Variants in PPM1B observed in about 807,000 individuals in gnomAD.
PPM1B encodes the protein protein phosphatase, Mg2+/Mn2+ dependent 1B.
PPM1B carries 22 observed loss-of-function variants against 43.0 expected under a neutral mutation model. The observed-to-expected ratio is 0.51, with a 90% CI of 0.37 to 0.73. The LOEUF (loss-of-function observed/expected upper bound fraction) is 0.73, where lower values mean the gene tolerates loss of function less well. PPM1B is among the 30% of genes least tolerant of loss of function. The pLI is 0.00. For synonymous variants in PPM1B, 217 were observed against 197.9 expected (o/e 1.10, Z -0.81); for missense variants, 632 against 584.2 (o/e 1.08, Z -0.84).
chr2:44,196,229 C>T (rs1026761709), intron 1 of PPM1B, among the ~76,000 whole-genome samples: 3 of 152,178 alleles, frequency 2.0e-5, no homozygotes, highest in African/African-American at 7.2e-5. Flanking sequence ...TCTCCTTAGG[C>T]CCCTGTTGGC....
At chr2:44,198,892 A>C (rs1186905958) in intron 1 of PPM1B, among the ~76,000 whole-genome samples, 1 of 152,198 alleles carries the variant, frequency 6.6e-6, no homozygotes, top group Non-Finnish European at 1.5e-5. Flanking sequence ...TAGTTTAAGC[A>C]GTTTTTTCAC....
At chr2:44,174,423 T>C (rs10205671) in intron 1 of PPM1B, among the ~76,000 whole-genome samples, 139,218 of 152,256 alleles carry the variant, frequency 0.91, 63,742 homozygotes, top group East Asian at 1. Flanking sequence ...AGGATAAGAC[T>C]TGTCTCTAGG....
At chr2:44,209,438 A>T in intron 3 of PPM1B, 111 bp downstream of exon 3, 1 of 1,243,198 alleles carries the variant, frequency 8.0e-7, no homozygotes, top group Non-Finnish European at 1.1e-6. Context: ...TCTCAAAAAA[A>T]AAAAAATTTA....
chr2:44,210,016 T>A (rs1436821644), intron 3 of PPM1B, among the ~76,000 whole-genome samples: 1 of 152,096 alleles, frequency 6.6e-6, no homozygotes, highest in African/African-American at 2.4e-5. Context: ...TTCCTAGTAG[T>A]AAGTGGAGAA....
chr2:44,175,952 A>G (rs1231267631), intron 1 of PPM1B, among the ~76,000 whole-genome samples: 2 of 151,904 alleles, frequency 1.3e-5, no homozygotes, highest in Admixed American at 6.6e-5. Context: ...CACCTGGCTA[A>G]TTTTTGTACT....
At chr2:44,189,442 G>C (rs576762473) in intron 1 of PPM1B, among the ~76,000 whole-genome samples, 4 of 152,150 alleles carry the variant, frequency 2.6e-5, no homozygotes, top group African/African-American at 9.6e-5. Flanking sequence ...AACTTGCTAA[G>C]CTGCTGGTCC....
rs200623563 is a variant in PPM1B at position 44,213,489 on chromosome 2, A to G, written c.964+4162A>G. 1.2e-4 allele frequency among the ~76,000 whole-genome samples: 19 copies of G among 152,064 alleles called. No homozygotes were observed. In the East Asian group the frequency reaches 3.5e-3, roughly 28 times the overall value. The stretch of plus-strand genomic sequence containing the variant: ...ATATAGTAGGCCACAGTAATTGGTG[A>G]GAGTTTTGAAGTGTGAAGATGTGTG... On this transcript the variant is annotated intron_variant, in intron 3 of 5. Transcript: ENST00000282412.
At chr2:44,179,063 G>A (rs142937996) in intron 1 of PPM1B, among the ~76,000 whole-genome samples, 3 of 152,110 alleles carry the variant, frequency 2.0e-5, no homozygotes, top group Non-Finnish European at 4.4e-5. Context: ...TGAATCATGG[G>A]GACAGGTCTT....
At chr2:44,216,990 T>C (rs1027927334) in intron 3 of PPM1B, among the ~76,000 whole-genome samples, 4 of 151,772 alleles carry the variant, frequency 2.6e-5, no homozygotes, top group Non-Finnish European at 4.4e-5. Context: ...TATGTGAAGA[T>C]CTAGAAGTAG....
In PPM1B at chr2:44,218,555, TC is replaced by T. The variant is rs756957535; in HGVS notation, c.1134+19del. ...GTGATGGGGTAAGTTTTATTTTATT[TC>T]ATAAGCATTTGAAGTAATTTCACAA... On this transcript the variant is annotated intron_variant, in intron 5 of 5. Transcript: ENST00000282412. 1 of 1,518,784 alleles carries T rather than the reference TC, an allele frequency of 6.6e-7. No homozygotes were observed. Among genetic ancestry groups the T allele is most frequent in the Admixed American group, 2.0e-5 (1 of 49,042 alleles). 94.1% of individuals were successfully genotyped at this position (1,518,784 alleles called of 1,614,324 possible).
Position 44,218,919 on chromosome 2 carries a change from G to T in PPM1B, c.1134+382G>T, listed in dbSNP as rs867174425. 1.3e-5 allele frequency: 6 copies of T among 460,958 alleles called. No homozygotes were observed. In the Middle Eastern group the frequency reaches 2.0e-3, roughly 150 times the overall value. 28.6% of individuals were successfully genotyped at this position (460,958 alleles called of 1,614,324 possible). On this transcript the variant is annotated intron_variant, in intron 5 of 5. Transcript: ENST00000282412. ...GCCATCACCAGAAGTTAGTGATAGT[G>T]AGTGAGTTGTTATTTTAATAACTAG...
chr2:44,186,165 A>G (rs1668108073), intron 1 of PPM1B, among the ~76,000 whole-genome samples: 1 of 152,182 alleles, frequency 6.6e-6, no homozygotes, highest in African/African-American at 2.4e-5. Flanking sequence ...TAAGCTGGTT[A>G]TTAGATTTTA....
intron 2 of PPM1B, among the ~76,000 whole-genome samples, chr2:44,205,641 A>G (rs1669156436): frequency 6.6e-6 from 1 of 152,124 alleles, no homozygotes; most frequent in Non-Finnish European, 1.5e-5. Flanking sequence ...TTTTATAGAA[A>G]AAGATCATGC....
At chr2:44,224,330 C>T (rs976060934) in intron 5 of PPM1B, among the ~76,000 whole-genome samples, 3 of 151,904 alleles carry the variant, frequency 2.0e-5, no homozygotes, top group South Asian at 2.1e-4. Context: ...TGGCGGGCGC[C>T]TGTAGTCCCA....
intron 1 of PPM1B, among the ~76,000 whole-genome samples, chr2:44,184,051 T>C (rs987043988): frequency 1.3e-5 from 2 of 152,264 alleles, no homozygotes; most frequent in Admixed American, 1.3e-4. Context: ...TTCTTAGTTT[T>C]ACCACTTGAT....
intron 2 of PPM1B, among the ~76,000 whole-genome samples, chr2:44,204,858 C>CAAA (rs368660082): frequency 1.6e-3 from 57 of 36,684 alleles, no homozygotes; most frequent in African/African-American, 3.0e-3. Flanking sequence ...GACTCCGTCT[C>CAAA]AAAAAAAAAA....
intron 5 of PPM1B, among the ~76,000 whole-genome samples, chr2:44,219,787 T>C (rs2104229151): frequency 6.6e-6 from 1 of 151,970 alleles, no homozygotes; most frequent in African/African-American, 2.4e-5. Context: ...CTACTAAACA[T>C]ACGATATTAA....
intron 5 of PPM1B, among the ~76,000 whole-genome samples, chr2:44,228,397 C>T (rs1186727008): frequency 1.3e-5 from 2 of 152,034 alleles, no homozygotes; most frequent in African/African-American, 2.4e-5. Context: ...TGGCCTAGAA[C>T]TCCTGACCTC....
At chr2:44,236,402 C>CAAAAAAAAAAAAAAAAAAAAAAAAAAAA (rs61414038), downstream of PPM1B, among the ~76,000 whole-genome samples, 9 of 47,530 alleles carry the variant, frequency 1.9e-4, no homozygotes, top group Admixed American at 3.4e-4. Context: ...GACTCCGTCT[C>CAAAAAAAAAAAAAAAAAAAAAAAAAAAA]AAAAAAAAAA....
Sources: allele counts gnomAD v4.1 joint callset (sites outside exome capture counted in the v4.1 genomes callset), GRCh38; gene constraint gnomAD v4.1.1; transcripts MANE v1.5; gene names NCBI Gene and HGNC (gene_info 2026-07-23, HGNC 2026-07-21).